Variants in ZNF91 observed in about 807,000 individuals in gnomAD.
The protein encoded by ZNF91 is zinc finger protein 91 (HPF7, HTF10).
In ZNF91, 7 loss-of-function variants were observed where a neutral mutation model predicts 12.6. That is an observed-to-expected ratio of 0.55 (90% CI 0.31 to 1.04). ZNF91 has a LOEUF of 1.04. Among genes scored for constraint, ZNF91 ranks in the 50% least tolerant of loss-of-function variants. ZNF91 has a pLI of 0.05. For synonymous variants in ZNF91, 453 were observed against 462.6 expected (o/e 0.98, Z 0.27); for missense variants, 1,217 against 1,385.4 (o/e 0.88, Z 1.93).
chr19:23,336,620 G>C (rs960508116), downstream of ZNF91, among the ~76,000 whole-genome samples: 1 of 152,190 alleles, frequency 6.6e-6, no homozygotes, highest in Non-Finnish European at 1.5e-5. Context: ...ATTCATGCAA[G>C]CTTCCAGCTC....
upstream of ZNF91, among the ~76,000 whole-genome samples, chr19:23,315,124 A>G (rs1404283842): frequency 6.6e-6 from 1 of 152,210 alleles, no homozygotes; most frequent in Non-Finnish European, 1.5e-5. Flanking sequence ...CTGGACCTAA[A>G]GCAGGTGGTG....
At position 23,361,392 on chromosome 19, in the gene ZNF91, T is replaced by C. The variant is rs760591927; in HGVS notation, c.1587A>G (p.Gln529=). The C allele has an allele frequency of 1.1e-5, 18 of 1,598,718 alleles. No individual in the cohort carries two copies. The highest frequency in any genetic ancestry group is 8.5e-5 in the Admixed American group (5 of 58,534). Residue 529 remains glutamine (Q), a synonymous_variant, in exon 4 of 4, where the codon CAA becomes CAG. Transcript: ENST00000300619. ...TCTTATGTTTATTAAGGGTTAAGGA[T>C]TGTCTAAAAGCTTTGCCACATTCTT... ...KFEECGKAFR[Q]SLTLNKHKII...
intron 3 of ZNF91, among the ~76,000 whole-genome samples, chr19:23,347,472 C>A (rs1257386843): frequency 6.6e-6 from 1 of 152,110 alleles, no homozygotes; most frequent in Non-Finnish European, 1.5e-5. Flanking sequence ...AGCCCTACAA[C>A]CTGTACAAGG....
At chr19:23,390,387 A>G (rs1970022396) in intron 1 of ZNF91, among the ~76,000 whole-genome samples, 1 of 152,226 alleles carries the variant, frequency 6.6e-6, no homozygotes, top group African/African-American at 2.4e-5. Flanking sequence ...TAAAGGTGGA[A>G]AAAGATGAAG....
chr19:23,373,641 T>C (rs1047232593), intron 3 of ZNF91, 101 bp downstream of exon 3: 8 of 914,748 alleles, frequency 8.7e-6, no homozygotes, highest in Non-Finnish European at 1.3e-5. Flanking sequence ...CCAGAAACTA[T>C]TTCCTTTGGA....
At chr19:23,339,229 A>G (rs1198129515) in intron 3 of ZNF91, 1 of 152,174 alleles carries the variant, frequency 6.6e-6, no homozygotes, top group African/African-American at 2.4e-5. Context: ...ATCTATACTT[A>G]CATCAAATAA....
rs1465550746 is a variant in ZNF91 at position 23,384,606 on chromosome 19, T to C, written c.31-9842A>G. ...AAGAAATTTAAACTGAGACATTCTG[T>C]CTCCCGATATCATCAGTCCCCCTCT... On this transcript the variant is annotated intron_variant, in intron 1 of 3. Transcript: ENST00000300619. 4.9e-5 allele frequency: 44 copies of C among 891,102 alleles called. No individual in the cohort carries two copies. In the East Asian group the frequency reaches 1.6e-3, roughly 33 times the overall value. 55.2% of individuals were successfully genotyped at this position (891,102 alleles called of 1,614,324 possible).
At chr19:23,390,092 G>A (rs528313113) in intron 1 of ZNF91, among the ~76,000 whole-genome samples, 1 of 152,136 alleles carries the variant, frequency 6.6e-6, no homozygotes, top group African/African-American at 2.4e-5. Flanking sequence ...TGAGACAGGC[G>A]AATCACCTGA....
intron 1 of ZNF91, among the ~76,000 whole-genome samples, chr19:23,385,900 C>G (rs1329996426): frequency 6.6e-6 from 1 of 151,820 alleles, no homozygotes. Context: ...AAGATACAGG[C>G]AAAGTACTAC....
downstream of ZNF91, among the ~76,000 whole-genome samples, chr19:23,334,148 G>T (rs530076370): frequency 2.0e-4 from 30 of 152,238 alleles, no homozygotes; most frequent in African/African-American, 7.2e-4. Context: ...AGGCAAAAAA[G>T]TAGTTTAAGT....
At chr19:23,387,833 C>A (rs1969924965) in intron 1 of ZNF91, among the ~76,000 whole-genome samples, 1 of 150,346 alleles carries the variant, frequency 6.7e-6, no homozygotes, top group Admixed American at 6.7e-5. Flanking sequence ...CTCCCAGCTA[C>A]TCAGGAGGCT....
downstream of ZNF91, among the ~76,000 whole-genome samples, chr19:23,354,252 G>A (rs189626977): frequency 3.3e-5 from 5 of 152,020 alleles, no homozygotes; most frequent in South Asian, 2.1e-4. Context: ...ACAACATGTC[G>A]AAAAGATAAT....
chr19:23,365,572 T>C (rs1295141519), intron 3 of ZNF91, among the ~76,000 whole-genome samples: 1 of 36,098 alleles, frequency 2.8e-5, no homozygotes, highest in Non-Finnish European at 9.4e-5. Flanking sequence ...TATAGAAGTC[T>C]TTTTTTTTTT....
chr19:23,361,569 T>C lies in ZNF91; in HGVS notation c.1410A>G (p.Ala470=). ...KPFKCKECGK[A]FIWSSTLTRH... ...TAGTTAGGGTTGAAGACCATATAAA[T>C]GCTTTGCCACATTCTTTACATTTGA... The change falls in exon 4 of 4, where the codon GCA becomes GCG. Residue 470 remains alanine, a synonymous_variant. Coordinates refer to ENST00000300619, the MANE Select transcript of ZNF91 (RefSeq NM_003430.4). 6.2e-7 allele frequency: 1 copy of C among 1,612,164 alleles called. No individual in the cohort carries two copies. The highest frequency in any genetic ancestry group is 8.5e-7 in the Non-Finnish European group (1 of 1,179,436).
intron 2 of ZNF91, 93 bp from the exon 3 acceptor site, chr19:23,373,930 T>G: frequency 2.9e-6 from 2 of 694,912 alleles, no homozygotes; most frequent in Non-Finnish European, 4.4e-6. Flanking sequence ...TAATAGAATA[T>G]TCTAATAAAT....
chr19:23,364,688 A>T lies in ZNF91; in HGVS notation c.254-1963T>A, dbSNP rs536292304. Among the ~76,000 whole-genome samples the T allele has an allele frequency of 3.9e-5, 6 of 152,212 alleles. No homozygotes were observed. In the South Asian group the frequency reaches 1.2e-3, roughly 32 times the overall value. ...GTGTTTCTCCCATAAAAAAATATAGATTCAGAAATAAATAGGATGTTGAAA... is the reference window on the plus strand; with the variant it reads ...GTGTTTCTCCCATAAAAAAATATAGTTTCAGAAATAAATAGGATGTTGAAA... On this transcript the variant is annotated intron_variant, in intron 3 of 3. Transcript: ENST00000300619.
downstream of ZNF91, among the ~76,000 whole-genome samples, chr19:23,337,037 A>C (rs543467421): frequency 6.6e-6 from 1 of 152,320 alleles, no homozygotes; most frequent in Non-Finnish European, 1.5e-5. Context: ...AGTTACATGC[A>C]TAGATTGCAT....
At chr19:23,324,172 T>TCTC (rs142348752) in intron 1 of ZNF91, 16,138 of 151,210 alleles carry the variant, frequency 0.11, 1,324 homozygotes, top group East Asian at 0.37. Flanking sequence ...CTTTTCTTCT[T>TCTC]CTCCTCCTTT....
At chr19:23,369,889 C>T (rs1227344108) in intron 3 of ZNF91, among the ~76,000 whole-genome samples, 1 of 150,572 alleles carries the variant, frequency 6.6e-6, no homozygotes, top group Admixed American at 6.6e-5. Flanking sequence ...GGGTCCTCTG[C>T]CTAGGAAAAC....
Sources: gnomAD v4.1 joint callset for allele counts (sites outside exome capture counted in the v4.1 genomes callset) on GRCh38, gnomAD v4.1.1 for gene constraint, MANE v1.5 for transcripts, NCBI Gene and HGNC (gene_info 2026-07-23, HGNC 2026-07-21) for gene names.